Variants in CCSER1 observed in about 807,000 individuals in gnomAD.
CCSER1 encodes the protein serine-rich coiled-coil domain-containing protein 1.
In CCSER1, 41 loss-of-function variants were observed where a neutral mutation model predicts 82.0. The observed-to-expected ratio is 0.50, with a 90% CI of 0.39 to 0.65. The LOEUF is 0.65. Among genes scored for constraint, CCSER1 ranks in the 30% least tolerant of loss-of-function variants. CCSER1 has a pLI of 0.00. For synonymous variants in CCSER1, 414 were observed against 383.9 expected, an observed-to-expected ratio of 1.08 and a Z score of -0.92; for missense variants, 1,119 against 1,064.2, an observed-to-expected ratio of 1.05 and a Z score of -0.72.
At chr4:91,321,651 G>C (rs4308338) in intron 10 of CCSER1, among the ~76,000 whole-genome samples, 118,991 of 151,950 alleles carry the variant, frequency 0.78, 47,343 homozygotes, top group African/African-American at 0.93. Context: ...TCAACTTAAG[G>C]TTTTTTATTT....
chr4:91,327,677 A>G (rs1746665826), intron 10 of CCSER1, among the ~76,000 whole-genome samples: 1 of 152,214 alleles, frequency 6.6e-6, no homozygotes, highest in African/African-American at 2.4e-5. Flanking sequence ...TCACATGGCC[A>G]GGCTGCAAAT....
intron 10 of CCSER1, among the ~76,000 whole-genome samples, chr4:91,093,492 A>C (rs1724186367): frequency 6.6e-6 from 1 of 152,198 alleles, no homozygotes; most frequent in Non-Finnish European, 1.5e-5. Context: ...GTATTTGTTA[A>C]AGTCACCACC....
intron 10 of CCSER1, among the ~76,000 whole-genome samples, chr4:91,423,067 G>A (rs939378541): frequency 3.9e-5 from 6 of 152,216 alleles, no homozygotes; most frequent in African/African-American, 1.4e-4. Flanking sequence ...GCATGAAAAT[G>A]CATATCTTCT....
At chr4:91,340,116 A>C (rs1039427036) in intron 10 of CCSER1, among the ~76,000 whole-genome samples, 3 of 152,178 alleles carry the variant, frequency 2.0e-5, no homozygotes, top group Non-Finnish European at 2.9e-5. Context: ...GACTGTCTCA[A>C]AAAAAACAAA....
At chr4:90,868,772 A>C (rs996903674) in intron 8 of CCSER1, among the ~76,000 whole-genome samples, 1 of 152,054 alleles carries the variant, frequency 6.6e-6, no homozygotes, top group Non-Finnish European at 1.5e-5. Context: ...ATTTTTGAGG[A>C]GCCTCCAAAC....
chr4:91,533,990 G>T (rs189587204), intron 10 of CCSER1, among the ~76,000 whole-genome samples: 1 of 152,030 alleles, frequency 6.6e-6, no homozygotes, highest in African/African-American at 2.4e-5. Flanking sequence ...TTCCCCTTGA[G>T]ACTCTGCTTC....
intron 5 of CCSER1, among the ~76,000 whole-genome samples, chr4:90,518,057 AT>A (rs1772531706): frequency 6.6e-6 from 1 of 152,136 alleles, no homozygotes; most frequent in African/African-American, 2.4e-5. Context: ...TAATTTGTAA[AT>A]TACTTCTGTG....
chr4:90,522,338 C>A lies in CCSER1; in HGVS notation c.1724+53984C>A, dbSNP rs559867284. Among the ~76,000 whole-genome samples the A allele has an allele frequency of 3.9e-5, 6 of 152,248 alleles. No individual in the cohort carries two copies. In the East Asian group the frequency reaches 1.2e-3, roughly 29 times the overall value. On this transcript the variant is annotated intron_variant, in intron 5 of 10. Coordinates refer to ENST00000509176, the MANE Select transcript of CCSER1 (RefSeq NM_001145065.2). Reference sequence around the variant, plus strand: ...TGTTATAGAATATTTCTCTTCTAATCAGAGCTGTTATGTGTCACAGCTTTA... The same window carrying A: ...TGTTATAGAATATTTCTCTTCTAATAAGAGCTGTTATGTGTCACAGCTTTA...
chr4:91,110,833 TC>T (rs1189120540), intron 10 of CCSER1, among the ~76,000 whole-genome samples: 2 of 151,860 alleles, frequency 1.3e-5, no homozygotes, highest in African/African-American at 4.8e-5. Context: ...CATACATAGA[TC>T]ATTCATTCTT....
At chr4:90,341,450 C>A (rs920752752) in intron 3 of CCSER1, among the ~76,000 whole-genome samples, 1 of 152,012 alleles carries the variant, frequency 6.6e-6, no homozygotes, top group African/African-American at 2.4e-5. Context: ...CCACAAGGAG[C>A]ATTTTTTAAA....
intron 10 of CCSER1, among the ~76,000 whole-genome samples, chr4:91,234,873 C>T (rs982193412): frequency 2.0e-5 from 3 of 152,036 alleles, no homozygotes; most frequent in African/African-American, 7.2e-5. Context: ...CTCACGTTAT[C>T]ATTGCCTCTT....
chr4:90,329,969 T>C (rs1738978460), intron 3 of CCSER1, among the ~76,000 whole-genome samples: 8 of 152,144 alleles, frequency 5.3e-5, no homozygotes, highest in Admixed American at 5.2e-4. Context: ...TGTCAAATTT[T>C]AAGGTAATGC....
intron 10 of CCSER1, among the ~76,000 whole-genome samples, chr4:91,303,123 T>A (rs907871379): frequency 2.6e-5 from 4 of 151,996 alleles, no homozygotes; most frequent in African/African-American, 9.7e-5. Context: ...GGACATAAAA[T>A]GATCCCAGTA....
intron 6 of CCSER1, among the ~76,000 whole-genome samples, chr4:90,694,444 C>T (rs1399417): frequency 0.6 from 91,452 of 151,722 alleles, 27,784 homozygotes; most frequent in African/African-American, 0.68. Context: ...AGTTGATTTA[C>T]TGAGTCTGCA....
intron 1 of CCSER1, among the ~76,000 whole-genome samples, chr4:90,167,009 T>G (rs1345374457): frequency 1.3e-5 from 2 of 152,042 alleles, no homozygotes; most frequent in African/African-American, 4.8e-5. Context: ...CAAGCGTAAG[T>G]TTATGTTATA....
At chr4:90,641,141 T>C (rs1726436733) in intron 6 of CCSER1, among the ~76,000 whole-genome samples, 1 of 152,152 alleles carries the variant, frequency 6.6e-6, no homozygotes, top group South Asian at 2.1e-4. Context: ...GTATAATATA[T>C]TAATCTAAAA....
chr4:90,228,649 G>A (rs1366573151), intron 1 of CCSER1, among the ~76,000 whole-genome samples: 1 of 152,166 alleles, frequency 6.6e-6, no homozygotes, highest in Non-Finnish European at 1.5e-5. Context: ...GAGAGAAGAA[G>A]GCTTCAGATG....
At chr4:91,010,232 C>A (rs1738897663) in intron 9 of CCSER1, among the ~76,000 whole-genome samples, 1 of 152,070 alleles carries the variant, frequency 6.6e-6, no homozygotes, top group Admixed American at 6.5e-5. Context: ...AATATGTAAT[C>A]TCATTCTCTA....
intron 4 of CCSER1, among the ~76,000 whole-genome samples, chr4:90,442,665 G>A (rs904213111): frequency 4.6e-5 from 7 of 152,164 alleles, no homozygotes; most frequent in Non-Finnish European, 8.8e-5. Context: ...TTGACGATGT[G>A]CTGATAAGTG....
Sources: gnomAD v4.1 joint callset for allele counts (sites outside exome capture counted in the v4.1 genomes callset) on GRCh38, gnomAD v4.1.1 for gene constraint, MANE v1.5 for transcripts, NCBI Gene and HGNC (gene_info 2026-07-23, HGNC 2026-07-21) for gene names.